ZNRF1: variants seen among roughly 807,000 people sequenced by gnomAD.
ZNRF1 encodes E3 ubiquitin-protein ligase ZNRF1.
In ZNRF1, 3 loss-of-function variants were observed where a neutral mutation model predicts 18.4. That is an observed-to-expected ratio of 0.16 (90% confidence interval 0.07 to 0.42). The LOEUF is 0.42. ZNRF1 is among the 10% of genes least tolerant of loss of function. The pLI is 0.99. For missense variants in ZNRF1, 310 were observed against 329.8 expected, an observed-to-expected ratio of 0.94 and a Z score of 0.47; for synonymous variants, 157 against 144.2, an observed-to-expected ratio of 1.09 and a Z score of -0.64.
intron 1 of ZNRF1, among the ~76,000 whole-genome samples, chr16:75,079,061 A>G (rs2035978565): frequency 6.6e-6 from 1 of 152,206 alleles, no homozygotes; most frequent in Admixed American, 6.5e-5. Flanking sequence ...AACCTGAACC[A>G]GAGGCAAAGA....
chr16:75,018,748 G>A (rs114723295), intron 1 of ZNRF1, among the ~76,000 whole-genome samples: 272 of 151,932 alleles, frequency 1.8e-3, no homozygotes, highest in African/African-American at 6.1e-3. Flanking sequence ...AATCCTGCTT[G>A]GTTGTGATGT....
chr16:75,010,719 G>GTTTT lies in ZNRF1; in HGVS notation c.424+10634_424+10637dup, dbSNP rs71158572. 7.1e-4 allele frequency among the ~76,000 whole-genome samples: 60 copies of GTTTT among 85,060 alleles called. 1 individual carries two copies. Among genetic ancestry groups the GTTTT allele is most frequent in the Non-Finnish European group, 1.3e-3 (48 of 38,186 alleles). 55.8% of individuals were successfully genotyped at this position (85,060 alleles called of 152,430 possible). Reference sequence around the variant, plus strand: ...CTGTACTGTTTTTTTTTGTTTTTTTGTTTTTTTTTTTTTGAGGAGTCTCGC... The same window carrying GTTTT: ...CTGTACTGTTTTTTTTTGTTTTTTTGTTTTTTTTTTTTTTTTTGAGGAGTCTCGC... On this transcript the variant is annotated intron_variant, in intron 1 of 4. Transcript: ENST00000335325.
intron 1 of ZNRF1, among the ~76,000 whole-genome samples, chr16:75,037,116 C>G (rs1197824838): frequency 6.6e-6 from 1 of 152,130 alleles, no homozygotes; most frequent in Non-Finnish European, 1.5e-5. Context: ...TTCAATCTGT[C>G]GATTCCAGCA....
chr16:75,086,983 C>G (rs1356442051), intron 1 of ZNRF1, among the ~76,000 whole-genome samples: 1 of 152,144 alleles, frequency 6.6e-6, no homozygotes, highest in Non-Finnish European at 1.5e-5. Flanking sequence ...GAAACTGGAG[C>G]AACACGCCGC....
chr16:75,105,292 A>C (rs2036302287), intron 3 of ZNRF1: 1 of 191,466 alleles, frequency 5.2e-6, no homozygotes, highest in African/African-American at 2.3e-5. Context: ...GGCCAGGCGG[A>C]GGGTGTACCC....
intron 1 of ZNRF1, among the ~76,000 whole-genome samples, chr16:75,089,194 C>T (rs557970256): frequency 3.4e-4 from 52 of 152,208 alleles, no homozygotes; most frequent in African/African-American, 1.2e-3. Context: ...CCTCAACCTC[C>T]TGGGCTCAAG....
At chr16:75,034,462 C>T (rs929544364) in intron 1 of ZNRF1, among the ~76,000 whole-genome samples, 26 of 152,156 alleles carry the variant, frequency 1.7e-4, no homozygotes, top group African/African-American at 6.3e-4. Context: ...GAGCAAATGT[C>T]AGAATTTACT....
At chr16:75,022,767 T>C (rs1246254687) in intron 1 of ZNRF1, among the ~76,000 whole-genome samples, 1 of 152,178 alleles carries the variant, frequency 6.6e-6, no homozygotes, top group African/African-American at 2.4e-5. Context: ...ACAGTGCTGC[T>C]CAAAACTCTT....
chr16:75,031,545 TC>T (rs1458820388), intron 1 of ZNRF1, among the ~76,000 whole-genome samples: 3 of 152,116 alleles, frequency 2.0e-5, no homozygotes, highest in African/African-American at 7.2e-5. Context: ...TCTCACTTTG[TC>T]CCCCAGGCTG....
intron 2 of ZNRF1, among the ~76,000 whole-genome samples, chr16:75,098,244 G>A (rs1292142778): frequency 1.3e-5 from 2 of 152,232 alleles, no homozygotes; most frequent in East Asian, 3.8e-4. Context: ...AGCGACTAGG[G>A]GAGGCCTGCA....
chr16:75,019,594 T>C (rs2145334336), intron 1 of ZNRF1, among the ~76,000 whole-genome samples: 1 of 152,278 alleles, frequency 6.6e-6, no homozygotes, highest in South Asian at 2.1e-4. Context: ...GTGAGGGGGT[T>C]GGGGAACGCA....
chr16:74,999,755 G>A lies in ZNRF1; in HGVS notation c.84G>A (p.Pro28=). The change falls in exon 1 of 5, where the codon CCG becomes CCA. Residue 28 remains proline, a synonymous_variant. Transcript: ENST00000335325. ...VSTDDSAVPP[P]GGAPHFGHYR... ...CCGATGACAGCGCCGTGCCGCCGCC[G>A]GGAGGGGCGCCCCATTTCGGGCACT... The A allele has an allele frequency of 2.9e-6, 4 of 1,391,498 alleles. No individual in the cohort carries two copies. The highest frequency in any genetic ancestry group is 3.7e-6 in the Non-Finnish European group (4 of 1,079,240). The allele number at this position is 1,391,498 out of a possible 1,614,324, so 86.2% of individuals were successfully genotyped here.
intron 1 of ZNRF1, among the ~76,000 whole-genome samples, chr16:75,072,530 G>T (rs1051235606): frequency 1.3e-5 from 2 of 152,190 alleles, no homozygotes; most frequent in African/African-American, 4.8e-5. Context: ...GTCCAGTCCA[G>T]TGCCTGACAC....
At chr16:75,072,947 T>A (rs2035887733) in intron 1 of ZNRF1, among the ~76,000 whole-genome samples, 1 of 152,138 alleles carries the variant, frequency 6.6e-6, no homozygotes, top group East Asian at 1.9e-4. Flanking sequence ...AGTGCTACTG[T>A]TCATCACACT....
chr16:75,010,736 G>A (rs1443266145), intron 1 of ZNRF1, among the ~76,000 whole-genome samples: 2 of 60,662 alleles, frequency 3.3e-5, no homozygotes, highest in Non-Finnish European at 6.8e-5. Context: ...TTTTTTTGAG[G>A]AGTCTCGCTC....
At chr16:75,069,400 T>C (rs946149131) in intron 1 of ZNRF1, among the ~76,000 whole-genome samples, 1 of 152,172 alleles carries the variant, frequency 6.6e-6, no homozygotes, top group African/African-American at 2.4e-5. Context: ...TACATTCTCC[T>C]GGAGTGGGCT....
At chr16:75,086,201 A>G (rs2036072032) in intron 1 of ZNRF1, among the ~76,000 whole-genome samples, 1 of 152,174 alleles carries the variant, frequency 6.6e-6, no homozygotes, top group South Asian at 2.1e-4. Context: ...CCTCACAGTC[A>G]CACCAAAAAT....
At chr16:75,077,358 C>T (rs1338858999) in intron 1 of ZNRF1, among the ~76,000 whole-genome samples, 1 of 152,190 alleles carries the variant, frequency 6.6e-6, no homozygotes, top group African/African-American at 2.4e-5. Flanking sequence ...CATGTACAAA[C>T]CCCGTCTCTA....
intron 1 of ZNRF1, among the ~76,000 whole-genome samples, chr16:75,030,703 A>G (rs1349289994): frequency 1.3e-5 from 2 of 152,192 alleles, no homozygotes; most frequent in Non-Finnish European, 2.9e-5. Flanking sequence ...CTGCCTATGT[A>G]AACTTGCCTA....
Sources: allele counts gnomAD v4.1 joint callset (sites outside exome capture counted in the v4.1 genomes callset), GRCh38; gene constraint gnomAD v4.1.1; transcripts MANE v1.5; gene names NCBI Gene and HGNC (gene_info 2026-07-23, HGNC 2026-07-21).